Variants in ANXA8 observed in about 807,000 individuals in gnomAD.
The protein encoded by ANXA8 is VAC-beta.
A neutral mutation model predicts 26.8 loss-of-function variants in ANXA8; 9 were observed. The observed-to-expected ratio is 0.34, with a 90% CI of 0.20 to 0.59. ANXA8 has a LOEUF of 0.59. Among genes scored for constraint, ANXA8 ranks in the 20% least tolerant of loss-of-function variants. The probability of loss-of-function intolerance (pLI) is 0.84; values close to 1 mark genes in which losing one functional copy is unlikely to be tolerated. For missense variants in ANXA8, 83 were observed against 238.5 expected, an observed-to-expected ratio of 0.35 and a Z score of 4.29; for synonymous variants, 39 against 94.8, an observed-to-expected ratio of 0.41 and a Z score of 3.42.
At chr10:47,896,802 C>A in the ANXA8 span, among the ~76,000 whole-genome samples, 3 of 151,818 alleles carry the variant, frequency 2.0e-5, no homozygotes, top group African/African-American at 7.3e-5. Context: ...TCTCAGAGAA[C>A]CTTAGGTCAA....
At chr10:47,937,297 G>A in the ANXA8 span, among the ~76,000 whole-genome samples, 1 of 149,340 alleles carries the variant, frequency 6.7e-6, no homozygotes, top group African/African-American at 2.4e-5. Flanking sequence ...GAGAGGTCTG[G>A]AAGTCGCTAA....
upstream of ANXA8, among the ~76,000 whole-genome samples, chr10:47,485,824 C>T (rs1272242753): frequency 6.6e-6 from 1 of 151,838 alleles, no homozygotes; most frequent in Non-Finnish European, 1.5e-5. Flanking sequence ...AATAAATATT[C>T]TGGGCCAGGT....
chr10:47,761,102 G>GCGCACACA, the ANXA8 span, among the ~76,000 whole-genome samples: 1 of 145,492 alleles, frequency 6.9e-6, no homozygotes, highest in African/African-American at 2.6e-5. Flanking sequence ...ACACACACAC[G>GCGCACACA]CACACACACA....
At chr10:47,974,789 T>G in the ANXA8 span, among the ~76,000 whole-genome samples, 3 of 149,348 alleles carry the variant, frequency 2.0e-5, no homozygotes, top group African/African-American at 7.3e-5. Flanking sequence ...TTTTTAAAAT[T>G]TATTGAGACT....
At chr10:47,511,429 G>A in the ANXA8 span, among the ~76,000 whole-genome samples, 3 of 134,306 alleles carry the variant, frequency 2.2e-5, 1 homozygote, top group African/African-American at 5.6e-5. Flanking sequence ...AGGGCTGCTA[G>A]GCCACCAACA....
At chr10:47,630,857 A>G in the ANXA8 span, among the ~76,000 whole-genome samples, 1 of 149,046 alleles carries the variant, frequency 6.7e-6, no homozygotes, top group South Asian at 2.1e-4. Flanking sequence ...AGGACAATTC[A>G]CATTTCCTTT....
At chr10:47,943,881 G>A in the ANXA8 span, among the ~76,000 whole-genome samples, 3 of 147,640 alleles carry the variant, frequency 2.0e-5, 1 homozygote, top group Non-Finnish European at 4.4e-5. Context: ...GGGCAGTCTG[G>A]CAGGCTGCTC....
the ANXA8 span, among the ~76,000 whole-genome samples, chr10:47,666,931 T>A: frequency 1.3e-4 from 20 of 152,180 alleles, no homozygotes; most frequent in East Asian, 3.9e-3. Flanking sequence ...ATTATTTGCA[T>A]GATTTGCTGT....
upstream of ANXA8, among the ~76,000 whole-genome samples, chr10:47,485,157 C>T (rs1420747978): frequency 6.6e-6 from 1 of 151,996 alleles, no homozygotes; most frequent in Admixed American, 6.6e-5. Context: ...TATTGTACGC[C>T]AAACCTAATA....
chr10:47,607,467 G>C, the ANXA8 span, among the ~76,000 whole-genome samples: 1 of 150,452 alleles, frequency 6.6e-6, no homozygotes, highest in Non-Finnish European at 1.5e-5. Context: ...ATTACATTCT[G>C]TATGACAGAA....
chr10:47,502,650 G>A, the ANXA8 span: 3 of 1,525,492 alleles, frequency 2.0e-6, no homozygotes, highest in Non-Finnish European at 2.7e-6. Flanking sequence ...GGACTCCCAA[G>A]TTCAAACTGG....
chr10:47,946,786 G>A, the ANXA8 span, among the ~76,000 whole-genome samples: 370 of 151,504 alleles, frequency 2.4e-3, 13 homozygotes, highest in East Asian at 0.061. Flanking sequence ...TCCGCCTCCC[G>A]GGTTCAGGCA....
intron 1 of ANXA8, among the ~76,000 whole-genome samples, chr10:47,483,411 C>T (rs1365145733): frequency 7.4e-6 from 1 of 135,340 alleles, no homozygotes; most frequent in Non-Finnish European, 1.5e-5. Flanking sequence ...TGCCTGCTTC[C>T]CCAGGTCCAT....
At chr10:47,944,567 G>C in the ANXA8 span, among the ~76,000 whole-genome samples, 4 of 150,818 alleles carry the variant, frequency 2.7e-5, no homozygotes, top group Non-Finnish European at 4.4e-5. Context: ...GGCCTGGTGG[G>C]AGGTAATTGT....
At chr10:47,951,080 A>G in the ANXA8 span, among the ~76,000 whole-genome samples, 7 of 150,440 alleles carry the variant, frequency 4.7e-5, no homozygotes, top group Non-Finnish European at 1.0e-4. Flanking sequence ...CATAAAACAA[A>G]CTACCAACAT....
chr10:47,952,624 G>C, the ANXA8 span, among the ~76,000 whole-genome samples: 2 of 146,520 alleles, frequency 1.4e-5, no homozygotes, highest in Non-Finnish European at 3.0e-5. Context: ...CCTGATTTTT[G>C]GTTGAAATTG....
chr10:47,692,800 T>C, the ANXA8 span: 1 of 147,524 alleles, frequency 6.8e-6, no homozygotes, highest in Non-Finnish European at 1.5e-5. Flanking sequence ...AGTGGCACAA[T>C]CTTGACTCAC....
the ANXA8 span, among the ~76,000 whole-genome samples, chr10:47,539,924 A>AT: frequency 1.6e-5 from 2 of 127,422 alleles, no homozygotes; most frequent in African/African-American, 3.6e-5. Flanking sequence ...AATCATTTCT[A>AT]TTTTTAAAAT....
At chr10:47,666,229 C>T in the ANXA8 span, among the ~76,000 whole-genome samples, 2 of 134,322 alleles carry the variant, frequency 1.5e-5, no homozygotes, top group Admixed American at 7.9e-5. Context: ...TGTTGGGAGG[C>T]TTATGTGAGA....
Sources: gnomAD v4.1 joint callset for allele counts (sites outside exome capture counted in the v4.1 genomes callset) on GRCh38, gnomAD v4.1.1 for gene constraint, MANE v1.5 for transcripts, NCBI Gene and HGNC (gene_info 2026-07-23, HGNC 2026-07-21) for gene names.